The following SNX24 variants were observed in gnomAD, a reference collection of about 807,000 sequenced individuals.
The protein encoded by SNX24 is sorting nexin 24.
A neutral mutation model predicts 28.7 loss-of-function variants in SNX24; 22 were observed. The observed-to-expected ratio is 0.77, with a 90% CI of 0.55 to 1.10. The LOEUF is 1.10. Ranked by LOEUF, SNX24 falls within the 50% of genes least tolerant of loss-of-function variation. The pLI, the probability that SNX24 is intolerant of heterozygous loss-of-function variation, is 0.00. For synonymous variants in SNX24, 69 were observed against 71.5 expected, an observed-to-expected ratio of 0.96 and a Z score of 0.18; for missense variants, 221 against 201.1, an observed-to-expected ratio of 1.10 and a Z score of -0.60.
intron 1 of SNX24, among the ~76,000 whole-genome samples, chr5:122,858,797 G>A (rs1467154861): frequency 6.6e-6 from 1 of 152,150 alleles, no homozygotes; most frequent in East Asian, 1.9e-4. Context: ...TTTTTATATG[G>A]TTAAAAATCA....
chr5:122,925,886 A>G (rs538366972), intron 1 of SNX24, among the ~76,000 whole-genome samples: 1 of 152,322 alleles, frequency 6.6e-6, no homozygotes, highest in South Asian at 2.1e-4. Context: ...GGATGTTAAC[A>G]GTGAACAAAA....
At chr5:123,009,292 C>A, downstream of SNX24, 1 of 854,270 alleles carries the variant, frequency 1.2e-6, no homozygotes, top group Non-Finnish European at 1.4e-6. Context: ...TGTGCACACA[C>A]AAAACCTCTC....
At chr5:122,858,477 A>G (rs770109560) in intron 1 of SNX24, among the ~76,000 whole-genome samples, 12 of 152,242 alleles carry the variant, frequency 7.9e-5, no homozygotes, top group Non-Finnish European at 1.8e-4. Flanking sequence ...TCTTCAATCA[A>G]TAGCCTGTGT....
chr5:122,849,562 A>G (rs1255187662), intron 1 of SNX24, among the ~76,000 whole-genome samples: 1 of 151,842 alleles, frequency 6.6e-6, no homozygotes, highest in Non-Finnish European at 1.5e-5. Flanking sequence ...ACAAAATCTT[A>G]TAAGCCATTT....
intron 1 of SNX24, among the ~76,000 whole-genome samples, chr5:122,870,785 G>T (rs147700332): frequency 6.6e-6 from 1 of 152,296 alleles, no homozygotes; most frequent in African/African-American, 2.4e-5. Context: ...ACCACTTCAG[G>T]TGCCTGACCC....
chr5:122,969,670 G>A (rs749382153), intron 3 of SNX24, among the ~76,000 whole-genome samples: 4 of 151,934 alleles, frequency 2.6e-5, no homozygotes, highest in Non-Finnish European at 5.9e-5. Context: ...GTATTATTCC[G>A]GAAAGACATC....
intron 3 of SNX24, among the ~76,000 whole-genome samples, 162 bp from the exon 4 acceptor site, chr5:122,999,750 G>A (rs539670461): frequency 1.6e-4 from 25 of 152,240 alleles, no homozygotes; most frequent in East Asian, 5.8e-4. Context: ...GTGTCAGCCC[G>A]AATTCCTGGT....
In SNX24 at chr5:123,007,712, T is replaced by C; in HGVS notation, c.473T>C (p.Leu158Pro). 6.3e-7 allele frequency: 1 copy of C among 1,597,248 alleles called. No individual in the cohort carries two copies. ...DFPNVVIEGV[L>P]HGIFYPHLQP... The stretch of plus-strand genomic sequence containing the variant: ...CCAAATGTGGTTATTGAAGGAGTCC[T>C]CCATGGGATATTTTACCCTCATCTA... The change falls in exon 7 of 7, where the codon CTC becomes CCC. Residue 158 changes from leucine to proline, a missense_variant. Transcript: ENST00000261369.
intron 6 of SNX24, 167 bp downstream of exon 6, chr5:123,002,171 C>A: frequency 1.6e-6 from 1 of 615,244 alleles, no homozygotes; most frequent in South Asian, 2.0e-5. Flanking sequence ...TTAATTGGGG[C>A]TGGCCTTTCA....
chr5:122,848,625 C>G (rs938286288), intron 1 of SNX24, among the ~76,000 whole-genome samples: 1 of 152,008 alleles, frequency 6.6e-6, no homozygotes, highest in East Asian at 1.9e-4. Context: ...AGGCGAATCT[C>G]TTGAGCCCCG....
intron 1 of SNX24, among the ~76,000 whole-genome samples, chr5:122,881,444 T>C (rs1163997864): frequency 6.6e-6 from 1 of 152,162 alleles, no homozygotes; most frequent in Non-Finnish European, 1.5e-5. Context: ...GTGTTAGAAA[T>C]GCAGATTGTC....
At chr5:122,845,766 G>A in intron 1 of SNX24, 73 bp downstream of exon 1, 1 of 918,890 alleles carries the variant, frequency 1.1e-6, no homozygotes, top group Non-Finnish European at 1.5e-6. Flanking sequence ...AAACACCCTT[G>A]GCCGCCGCCG....
intron 1 of SNX24, among the ~76,000 whole-genome samples, chr5:122,884,654 A>G (rs1398370920): frequency 2.0e-5 from 3 of 152,206 alleles, no homozygotes; most frequent in African/African-American, 7.2e-5. Context: ...TTAATAATAG[A>G]GAATAAGCAA....
At chr5:123,026,380 T>C (rs1279221933) in intron 5 of SNX24, among the ~76,000 whole-genome samples, 1 of 152,166 alleles carries the variant, frequency 6.6e-6, no homozygotes, top group African/African-American at 2.4e-5. Context: ...AGGACAGTCC[T>C]GTGACTTATC....
At chr5:122,929,766 C>G (rs2150110635) in intron 1 of SNX24, among the ~76,000 whole-genome samples, 1 of 151,472 alleles carries the variant, frequency 6.6e-6, no homozygotes, top group East Asian at 1.9e-4. Flanking sequence ...AGCTCTCTGG[C>G]TTTTATTCTA....
Position 123,008,953 on chromosome 5 carries a change from G to A in SNX24, c.*1204G>A. 1.0e-6 allele frequency: 1 copy of A among 985,620 alleles called. No individual in the cohort carries two copies. Among genetic ancestry groups the A allele is most frequent in the Non-Finnish European group, 1.2e-6 (1 of 829,730 alleles). The allele number at this position is 985,620 out of a possible 1,614,324, so 61.1% of individuals were successfully genotyped here. ...ATGGTTATTCGTTTTAGTAAGTTCT[G>A]TGGGAGCAAGGTATTTAAAATCAAA... On this transcript the variant is annotated 3_prime_UTR_variant, in exon 7 of 7. Coordinates refer to ENST00000261369, the MANE Select transcript of SNX24 (RefSeq NM_014035.4).
At chr5:122,911,807 C>G (rs1374540596) in intron 1 of SNX24, among the ~76,000 whole-genome samples, 1 of 102,964 alleles carries the variant, frequency 9.7e-6, no homozygotes, top group Non-Finnish European at 1.9e-5. Context: ...TCTGAGGGCT[C>G]TGTTCTGTTC....
chr5:122,906,736 G>C (rs1002179898), intron 1 of SNX24, among the ~76,000 whole-genome samples: 1 of 152,198 alleles, frequency 6.6e-6, no homozygotes, highest in African/African-American at 2.4e-5. Context: ...TTGAACCCCT[G>C]ACCTCAGGTG....
chr5:122,866,861 G>C (rs773735308), intron 1 of SNX24, among the ~76,000 whole-genome samples: 2 of 152,212 alleles, frequency 1.3e-5, no homozygotes, highest in Non-Finnish European at 2.9e-5. Flanking sequence ...CATTTCATCA[G>C]AATCATTGTT....
Sources: allele counts gnomAD v4.1 joint callset (sites outside exome capture counted in the v4.1 genomes callset), GRCh38; gene constraint gnomAD v4.1.1; transcripts MANE v1.5; gene names NCBI Gene and HGNC (gene_info 2026-07-23, HGNC 2026-07-21).